Variants in SHTN1 observed in about 807,000 individuals in gnomAD.
The protein encoded by SHTN1 is shootin 1.
SHTN1 carries 42 observed loss-of-function variants against 83.1 expected under a neutral mutation model. The observed-to-expected ratio is 0.51, with a 90% CI of 0.39 to 0.65. SHTN1 has a LOEUF of 0.65. Among genes scored for constraint, SHTN1 ranks in the 30% least tolerant of loss-of-function variants. The pLI, the probability that SHTN1 is intolerant of heterozygous loss-of-function variation, is 0.00. For missense variants in SHTN1, 622 were observed against 737.8 expected, an observed-to-expected ratio of 0.84 and a Z score of 1.82; for synonymous variants, 224 against 247.7, an observed-to-expected ratio of 0.90 and a Z score of 0.90.
At chr10:116,901,128 A>G in intron 16 of SHTN1, 2 of 985,410 alleles carry the variant, frequency 2.0e-6, no homozygotes, top group Non-Finnish European at 2.4e-6. Flanking sequence ...TCCTGGCAAG[A>G]GAACTAAAGC....
intron 15 of SHTN1, among the ~76,000 whole-genome samples, chr10:116,906,419 A>G (rs775645809): frequency 1.3e-5 from 2 of 152,272 alleles, no homozygotes; most frequent in Non-Finnish European, 1.5e-5. Flanking sequence ...GGTTACCTAC[A>G]AATAAGTAAA....
At chr10:117,070,833 T>C (rs1231240249) in intron 1 of SHTN1, among the ~76,000 whole-genome samples, 1 of 151,668 alleles carries the variant, frequency 6.6e-6, no homozygotes, top group East Asian at 1.9e-4. Context: ...CAGGCTTTAG[T>C]AGGGATAAAG....
chr10:117,005,249 C>G (rs964204124), upstream of SHTN1: 6 of 1,470,952 alleles, frequency 4.1e-6, no homozygotes, highest in Admixed American at 2.2e-5. Flanking sequence ...GAGATCATCC[C>G]CACGCACCTA....
At chr10:116,890,998 G>A (rs1847327177) in intron 16 of SHTN1, among the ~76,000 whole-genome samples, 1 of 152,092 alleles carries the variant, frequency 6.6e-6, no homozygotes, top group Admixed American at 6.5e-5. Context: ...CTAACATTTC[G>A]GCTGCAATTC....
chr10:117,108,279 TCGC>T lies in SHTN1; in HGVS notation c.-189+18025_-189+18027del, dbSNP rs1182567848. ...ACACATATGTTTATTGTGGCACTAC[TCGC>T]AATAGCAAAGACTTGGAACCAACCC... On this transcript the variant is annotated intron_variant, in intron 1 of 17. Transcript: ENST00000392901. 1.0e-3 allele frequency among the ~76,000 whole-genome samples: 155 copies of T among 152,206 alleles called. 1 individual carries two copies. The highest frequency in any genetic ancestry group is 1.8e-3 in the Non-Finnish European group (123 of 68,018).
intron 8 of SHTN1, 28 bp from the exon 9 acceptor site, chr10:116,940,640 A>G (rs757093174): frequency 5.2e-6 from 8 of 1,552,600 alleles, no homozygotes; most frequent in East Asian, 2.3e-5. Context: ...AAGAATGTAT[A>G]TATCAATCAA....
intron 1 of SHTN1, among the ~76,000 whole-genome samples, chr10:117,104,767 C>T (rs1263185799): frequency 1.3e-5 from 2 of 152,066 alleles, no homozygotes; most frequent in African/African-American, 4.8e-5. Flanking sequence ...GAGCGAGACT[C>T]CGTCTCAAAA....
chr10:116,890,340 G>A (rs1847300121), intron 16 of SHTN1, among the ~76,000 whole-genome samples: 1 of 152,178 alleles, frequency 6.6e-6, no homozygotes. Flanking sequence ...TGGGATGCTT[G>A]GGCTGACAGG....
chr10:117,101,842 T>C (rs890041800), intron 1 of SHTN1, among the ~76,000 whole-genome samples: 1 of 152,128 alleles, frequency 6.6e-6, no homozygotes, highest in African/African-American at 2.4e-5. Context: ...TTGGCTGAAT[T>C]AGGTGACTAT....
At chr10:117,037,636 C>G (rs1055977647) in intron 2 of SHTN1, among the ~76,000 whole-genome samples, 3 of 152,154 alleles carry the variant, frequency 2.0e-5, no homozygotes, top group African/African-American at 7.2e-5. Context: ...AAGACTGACA[C>G]TACCCAGCTT....
chr10:117,063,658 T>C (rs997617902), intron 1 of SHTN1, among the ~76,000 whole-genome samples: 2 of 152,170 alleles, frequency 1.3e-5, no homozygotes, highest in Admixed American at 1.3e-4. Context: ...AGATCCTACA[T>C]GATCTTGTCC....
chr10:116,995,959 T>C (rs1009374983), intron 1 of SHTN1, among the ~76,000 whole-genome samples: 1 of 152,204 alleles, frequency 6.6e-6, no homozygotes, highest in Non-Finnish European at 1.5e-5. Context: ...CTTGGCTTCT[T>C]AGCCTAAGGA....
chr10:116,980,952 C>A (rs1217911939), intron 1 of SHTN1, among the ~76,000 whole-genome samples: 2 of 152,208 alleles, frequency 1.3e-5, no homozygotes, highest in African/African-American at 2.4e-5. Flanking sequence ...GAAGCCACAT[C>A]CCAAAATAAT....
intron 1 of SHTN1, among the ~76,000 whole-genome samples, chr10:117,056,012 A>G (rs560221785): frequency 6.6e-6 from 1 of 152,332 alleles, no homozygotes; most frequent in African/African-American, 2.4e-5. Context: ...CAAGTTACCA[A>G]AACTTAACTG....
intron 15 of SHTN1, among the ~76,000 whole-genome samples, chr10:116,905,324 C>T (rs1454797971): frequency 2.0e-5 from 3 of 151,642 alleles, no homozygotes; most frequent in South Asian, 2.1e-4. Flanking sequence ...TTATATGTTA[C>T]GGGGAGGCTG....
chr10:116,907,188 C>T (rs917907666), intron 14 of SHTN1, among the ~76,000 whole-genome samples: 2 of 152,166 alleles, frequency 1.3e-5, no homozygotes, highest in African/African-American at 4.8e-5. Flanking sequence ...GTGACTGATC[C>T]TTCAGAGGGT....
chr10:116,902,373 A>C (rs1847778456), intron 15 of SHTN1, among the ~76,000 whole-genome samples: 1 of 152,198 alleles, frequency 6.6e-6, no homozygotes, highest in South Asian at 2.1e-4. Context: ...GAACCATGTC[A>C]AAAGGCTCTA....
chr10:117,099,006 GTA>G (rs1853548042), intron 1 of SHTN1, among the ~76,000 whole-genome samples: 1 of 43,298 alleles, frequency 2.3e-5, no homozygotes, highest in Admixed American at 2.4e-4. Context: ...AATGTGGTAT[GTA>G]TACACACACA....
intron 1 of SHTN1, among the ~76,000 whole-genome samples, chr10:117,124,634 G>T (rs1021255278): frequency 3.9e-5 from 6 of 151,954 alleles, no homozygotes; most frequent in Non-Finnish European, 8.8e-5. Context: ...TTAGCCGAGC[G>T]TGGTGGTGGG....
Sources: allele counts gnomAD v4.1 joint callset (sites outside exome capture counted in the v4.1 genomes callset), GRCh38; gene constraint gnomAD v4.1.1; transcripts MANE v1.5; gene names NCBI Gene and HGNC (gene_info 2026-07-23, HGNC 2026-07-21).